CAMTA1: variants seen among roughly 807,000 people sequenced by gnomAD.
CAMTA1 encodes calmodulin binding transcription activator 1.
In CAMTA1, 27 loss-of-function variants were observed where a neutral mutation model predicts 170.9. The observed-to-expected ratio is 0.16, with a 90% CI of 0.12 to 0.22. The LOEUF is 0.22. CAMTA1 is among the 10% of genes least tolerant of loss of function. The probability of loss-of-function intolerance (pLI) is 1.00; values close to 1 mark genes in which losing one functional copy is unlikely to be tolerated. For missense variants in CAMTA1, 1,619 were observed against 2,217.2 expected (o/e 0.73, Z 5.42); for synonymous variants, 833 against 891.5 (o/e 0.93, Z 1.17).
intron 1 of CAMTA1, among the ~76,000 whole-genome samples, chr1:6,787,333 GTGT>G (rs1639701621): frequency 6.6e-6 from 1 of 152,218 alleles, no homozygotes; most frequent in African/African-American, 2.4e-5. Flanking sequence ...TTTGGCTCTG[GTGT>G]TGTCTCTTGT....
chr1:7,579,552 C>CTTTCTTTCTTTTTTTTTTTTT (rs1436192966), intron 6 of CAMTA1, among the ~76,000 whole-genome samples: 8 of 79,200 alleles, frequency 1.0e-4, no homozygotes, highest in African/African-American at 4.7e-4. Flanking sequence ...CTTTTCTTTT[C>CTTTCTTTCTTTTTTTTTTTTT]TTTTTTTTTT....
At chr1:7,130,362 A>G (rs1467134884) in intron 4 of CAMTA1, among the ~76,000 whole-genome samples, 2 of 152,316 alleles carry the variant, frequency 1.3e-5, no homozygotes, top group Admixed American at 6.5e-5. Context: ...CATTTTTGCT[A>G]TCTATTCACT....
intron 4 of CAMTA1, among the ~76,000 whole-genome samples, chr1:7,102,548 C>T (rs1165415585): frequency 1.3e-5 from 2 of 152,152 alleles, no homozygotes; most frequent in Non-Finnish European, 1.5e-5. Flanking sequence ...TGGAGAACGA[C>T]GTCTAGGCAG....
chr1:6,787,795 T>C (rs1262960815), intron 1 of CAMTA1, among the ~76,000 whole-genome samples: 1 of 152,262 alleles, frequency 6.6e-6, no homozygotes. Flanking sequence ...ATCGCAACTT[T>C]GGCGGTCTGA....
intron 6 of CAMTA1, among the ~76,000 whole-genome samples, chr1:7,494,151 C>CA (rs201225081): frequency 0.14 from 16,386 of 113,064 alleles, 1,429 homozygotes; most frequent in African/African-American, 0.27. Flanking sequence ...ATCTGCTGTT[C>CA]AAAAAAAAAA....
intron 3 of CAMTA1, among the ~76,000 whole-genome samples, chr1:6,892,433 A>G (rs1674701065): frequency 2.0e-5 from 3 of 152,200 alleles, no homozygotes; most frequent in Non-Finnish European, 2.9e-5. Flanking sequence ...GACGTGTGAC[A>G]TATTTTTTAC....
chr1:7,538,362 TA>T (rs60487773), intron 6 of CAMTA1, among the ~76,000 whole-genome samples: 25,156 of 149,364 alleles, frequency 0.17, 3,986 homozygotes, highest in African/African-American at 0.41. Flanking sequence ...TTCTTTTCAT[TA>T]AAAAAAAAAT....
chr1:7,519,966 A>G (rs924968290), intron 6 of CAMTA1, among the ~76,000 whole-genome samples: 3 of 151,180 alleles, frequency 2.0e-5, no homozygotes, highest in African/African-American at 7.4e-5. Context: ...GCTGGCCCAC[A>G]GTCCACAGCA....
intron 5 of CAMTA1, among the ~76,000 whole-genome samples, chr1:7,420,573 T>C (rs2091496588): frequency 6.6e-6 from 1 of 150,730 alleles, no homozygotes; most frequent in South Asian, 2.1e-4. Flanking sequence ...CGTTTGCTCT[T>C]CCCACCGAGC....
At chr1:7,235,860 G>C (rs1413923235) in intron 4 of CAMTA1, among the ~76,000 whole-genome samples, 2 of 152,220 alleles carry the variant, frequency 1.3e-5, no homozygotes, top group African/African-American at 4.8e-5. Context: ...AAGAAGCTGG[G>C]ATTGGACCGC....
chr1:7,088,431 C>T (rs540191993), intron 3 of CAMTA1, among the ~76,000 whole-genome samples: 66 of 152,310 alleles, frequency 4.3e-4, no homozygotes, highest in African/African-American at 1.5e-3. Context: ...TGTTGACTTG[C>T]CTGTACCCAT....
In CAMTA1 at chr1:7,588,785, G is replaced by A. The variant is rs149216464; in HGVS notation, c.511-51615G>A. Among the ~76,000 whole-genome samples the A allele has an allele frequency of 3.9e-5, 6 of 152,316 alleles. No individual in the cohort carries two copies. Among genetic ancestry groups the A allele is most frequent in the East Asian group, 1.9e-4 (1 of 5,172 alleles). ...GGAGATTCACCCAAAGGGAAGTGAC[G>A]GGGCAATTTATCATATCAATAAACT... On this transcript the variant is annotated intron_variant, in intron 6 of 22. Coordinates refer to ENST00000303635, the MANE Select transcript of CAMTA1 (RefSeq NM_015215.4). The surrounding 1 kb of genome is among the most constrained non-coding windows in gnomAD (Gnocchi z 5.8).
Position 6,887,585 on chromosome 1 carries a change from A to C in CAMTA1, c.234+62375A>C, listed in dbSNP as rs1400549558. ...TCTCTCTGCCTCTGGAAATGGGGCA[A>C]ATTTTTCTTCAGTTAAAAACAGAAA... On this transcript the variant is annotated intron_variant, in intron 3 of 22. Coordinates refer to ENST00000303635, the MANE Select transcript of CAMTA1 (RefSeq NM_015215.4). The surrounding 1 kb of genome is among the most constrained non-coding windows in gnomAD (Gnocchi z 4.1). The C allele has an allele frequency of 1.2e-5, 19 of 1,523,168 alleles. No homozygotes were observed. The highest frequency in any genetic ancestry group is 3.4e-4 in the Middle Eastern group (2 of 5,936). The allele number at this position is 1,523,168 out of a possible 1,614,324, so 94.4% of individuals were successfully genotyped here.
intron 18 of CAMTA1, among the ~76,000 whole-genome samples, chr1:7,747,233 C>T (rs778642728): frequency 1.2e-4 from 19 of 152,146 alleles, no homozygotes; most frequent in Non-Finnish European, 2.1e-4. Context: ...GGGGCTGACT[C>T]CAGGCAGCCC....
chr1:7,172,163 T>C (rs1048309490), intron 4 of CAMTA1, among the ~76,000 whole-genome samples: 6 of 151,984 alleles, frequency 3.9e-5, no homozygotes, highest in Non-Finnish European at 7.4e-5. Context: ...CTTCTCTTTT[T>C]TTTTTTGAGA....
At chr1:7,258,558 C>CA (rs1380481610) in intron 5 of CAMTA1, among the ~76,000 whole-genome samples, 1 of 152,206 alleles carries the variant, frequency 6.6e-6, no homozygotes, top group African/African-American at 2.4e-5. Context: ...CCAGGTCACA[C>CA]AACCTGGATG....
rs1011383044 is a variant in CAMTA1 at position 7,302,280 on chromosome 1, C to G, written c.438+52654C>G. Among the ~76,000 whole-genome samples, 3 of 152,066 alleles carry G rather than the reference C, an allele frequency of 2.0e-5. No homozygotes were observed. The South Asian group carries it at 6.2e-4, about 32-fold the overall frequency. On this transcript the variant is annotated intron_variant, in intron 5 of 22. Transcript: ENST00000303635. ...AGAGAGATGCTCCTCAATCCCCTCCCGCACCTGGCCCCACTCTCCCTTTTT... is the reference window on the plus strand; with the variant it reads ...AGAGAGATGCTCCTCAATCCCCTCCGGCACCTGGCCCCACTCTCCCTTTTT...
intron 3 of CAMTA1, among the ~76,000 whole-genome samples, chr1:6,929,006 T>A (rs866699024): frequency 1.6e-4 from 24 of 152,160 alleles, no homozygotes; most frequent in Admixed American, 9.8e-4. Flanking sequence ...AGTGCTGCTT[T>A]TTATTATTAT....
chr1:7,084,139 A>G (rs1479960730), intron 3 of CAMTA1, among the ~76,000 whole-genome samples: 1 of 151,996 alleles, frequency 6.6e-6, no homozygotes, highest in Non-Finnish European at 1.5e-5. Flanking sequence ...TTATTAGTTG[A>G]ACTCAGGAGA....
Sources: gnomAD v4.1 joint callset for allele counts (sites outside exome capture counted in the v4.1 genomes callset) on GRCh38, gnomAD v4.1.1 for gene constraint, Gnocchi (gnomAD v3.1) non-coding constraint, MANE v1.5 for transcripts, NCBI Gene and HGNC (gene_info 2026-07-23, HGNC 2026-07-21) for gene names.